The following MRTFA variants were observed in gnomAD, a reference collection of about 807,000 sequenced individuals.
MRTFA encodes myocardin related transcription factor A.
In MRTFA, 20 loss-of-function variants were observed where a neutral mutation model predicts 83.5. The ratio of observed to expected loss-of-function variants is 0.24; its 90% confidence interval spans 0.17 to 0.35. The LOEUF is 0.35. Among genes scored for constraint, MRTFA ranks in the 10% least tolerant of loss-of-function variants. The probability of loss-of-function intolerance (pLI) is 1.00; values close to 1 mark genes in which losing one functional copy is unlikely to be tolerated. For missense variants in MRTFA, 1,200 were observed against 1,224.7 expected (o/e 0.98, Z 0.30); for synonymous variants, 659 against 541.2 (o/e 1.22, Z -3.02).
intron 3 of MRTFA, among the ~76,000 whole-genome samples, chr22:40,523,916 A>G (rs1168704723): frequency 6.6e-6 from 1 of 152,220 alleles, no homozygotes; most frequent in Non-Finnish European, 1.5e-5. Flanking sequence ...ATATACTAAG[A>G]AAACAGTTCA....
intron 4 of MRTFA, 104 bp from the exon 5 acceptor site, chr22:40,435,658 C>G (rs1336871080): frequency 7.6e-7 from 1 of 1,315,508 alleles, no homozygotes. Flanking sequence ...ACTGGCTGGG[C>G]GTGGTGGCTC....
chr22:40,626,653 G>A (rs938323649), intron 1 of MRTFA, among the ~76,000 whole-genome samples: 4 of 151,994 alleles, frequency 2.6e-5, no homozygotes, highest in Admixed American at 2.0e-4. Flanking sequence ...ACATATATAT[G>A]GCAAACTCAA....
At chr22:40,518,276 C>G (rs192879382) in intron 3 of MRTFA, among the ~76,000 whole-genome samples, 1 of 152,138 alleles carries the variant, frequency 6.6e-6, no homozygotes, top group African/African-American at 2.4e-5. Context: ...CACTATCGAT[C>G]GGCATCTGAA....
At chr22:40,474,322 C>T (rs754023285) in intron 3 of MRTFA, among the ~76,000 whole-genome samples, 31 of 152,300 alleles carry the variant, frequency 2.0e-4, no homozygotes, top group Middle Eastern at 3.4e-3. Context: ...GCCCTGAACT[C>T]TCCAGTATTT....
rs561597819 is a variant in MRTFA, at chr22:40,416,082, G to A, written c.2578+904C>T. Among the ~76,000 whole-genome samples the A allele has an allele frequency of 1.8e-4, 28 of 152,238 alleles. No individual in the cohort carries two copies. The highest frequency in any genetic ancestry group is 4.1e-4 in the African/African-American group (17 of 41,530). ...CCCTGTGAACCCTCCATTCGGTCTC[G>A]TGACACACCCCATCAGGGACCGCGC... is the stretch of plus-strand genomic sequence containing the variant. On this transcript the variant is annotated intron_variant, in intron 14 of 14. Transcript: ENST00000355630. The surrounding 1 kb of genome is among the most constrained non-coding windows in gnomAD (Gnocchi z 4.2).
chr22:40,507,417 A>G (rs6001946), intron 3 of MRTFA, among the ~76,000 whole-genome samples: 18,287 of 151,918 alleles, frequency 0.12, 1,261 homozygotes, highest in East Asian at 0.24. Context: ...GGGCTCACTT[A>G]AGCCCAGGAG....
chr22:40,562,104 C>T (rs985679835), intron 2 of MRTFA, among the ~76,000 whole-genome samples: 1 of 151,938 alleles, frequency 6.6e-6, no homozygotes, highest in Non-Finnish European at 1.5e-5. Flanking sequence ...GTAGTCCCAG[C>T]TACTCAGGAG....
chr22:40,454,292 T>C (rs908215246), intron 4 of MRTFA, among the ~76,000 whole-genome samples: 1 of 152,156 alleles, frequency 6.6e-6, no homozygotes, highest in African/African-American at 2.4e-5. Flanking sequence ...ATTTCTGTAT[T>C]TTTTGTAGAG....
chr22:40,471,657 C>T (rs905890025), intron 3 of MRTFA, among the ~76,000 whole-genome samples: 3 of 151,964 alleles, frequency 2.0e-5, no homozygotes, highest in Non-Finnish European at 4.4e-5. Context: ...CCCAGGTAGG[C>T]GGATTGCTTG....
chr22:40,455,777 A>G (rs2053574897), intron 4 of MRTFA, among the ~76,000 whole-genome samples: 1 of 151,470 alleles, frequency 6.6e-6, no homozygotes, highest in Non-Finnish European at 1.5e-5. Flanking sequence ...CACAACAACA[A>G]CAACAAAAAG....
At chr22:40,564,702 G>A (rs2055677174) in intron 2 of MRTFA, among the ~76,000 whole-genome samples, 1 of 151,948 alleles carries the variant, frequency 6.6e-6, no homozygotes, top group Non-Finnish European at 1.5e-5. Context: ...GCCCAGGCTG[G>A]AGTGCAGTGG....
intron 3 of MRTFA, among the ~76,000 whole-genome samples, chr22:40,540,455 AG>A (rs1168714366): frequency 6.6e-6 from 1 of 152,040 alleles, no homozygotes; most frequent in Non-Finnish European, 1.5e-5. Context: ...AGGCTCCCCC[AG>A]CACCTGTGCC....
intron 3 of MRTFA, among the ~76,000 whole-genome samples, chr22:40,476,954 T>G (rs2054007586): frequency 6.6e-6 from 1 of 152,126 alleles, no homozygotes; most frequent in Non-Finnish European, 1.5e-5. Flanking sequence ...TCAACTCAAC[T>G]GATTTCTGGG....
intron 1 of MRTFA, among the ~76,000 whole-genome samples, chr22:40,613,706 T>C (rs1448567611): frequency 1.3e-5 from 2 of 151,824 alleles, no homozygotes; most frequent in African/African-American, 2.4e-5. Flanking sequence ...AAAAAAAATT[T>C]TTCCAGCCTG....
At chr22:40,438,904 G>A (rs2053221398) in intron 4 of MRTFA, among the ~76,000 whole-genome samples, 1 of 152,146 alleles carries the variant, frequency 6.6e-6, no homozygotes, top group African/African-American at 2.4e-5. Context: ...GTCCTATTAA[G>A]GACATTTTCA....
chr22:40,599,832 G>A (rs2056236692), intron 1 of MRTFA, among the ~76,000 whole-genome samples: 1 of 151,762 alleles, frequency 6.6e-6, no homozygotes, highest in Admixed American at 6.6e-5. Flanking sequence ...CCGGGAGGTT[G>A]AGGCCGCAGC....
intron 4 of MRTFA, among the ~76,000 whole-genome samples, chr22:40,449,820 A>C (rs1472580554): frequency 6.6e-6 from 1 of 152,198 alleles, no homozygotes; most frequent in African/African-American, 2.4e-5. Context: ...GGAGTCAGAG[A>C]ATCTGGGCTT....
In MRTFA at chr22:40,520,008, G is replaced by A. The variant is rs553241426; in HGVS notation, c.241+32098C>T. On this transcript the variant is annotated intron_variant, in intron 3 of 14. Coordinates refer to ENST00000355630, the MANE Select transcript of MRTFA (RefSeq NM_020831.6). ...CTTCACCTAGTGTACAATTCAAAGC[G>A]TTCTGACAATTGCATATGCCTGTAT... 1.1e-4 allele frequency among the ~76,000 whole-genome samples: 16 copies of A among 152,202 alleles called. No homozygotes were observed. In the South Asian group the frequency reaches 1.5e-3, roughly 14 times the overall value.
intron 2 of MRTFA, among the ~76,000 whole-genome samples, chr22:40,589,643 G>A (rs539464075): frequency 7.9e-5 from 12 of 152,280 alleles, no homozygotes; most frequent in Non-Finnish European, 1.5e-4. Context: ...ACTGTGAAAA[G>A]GTTGTCAACA....
Sources: allele counts gnomAD v4.1 joint callset (sites outside exome capture counted in the v4.1 genomes callset), GRCh38; gene constraint gnomAD v4.1.1; non-coding constraint Gnocchi (gnomAD v3.1); transcripts MANE v1.5; gene names NCBI Gene and HGNC (gene_info 2026-07-23, HGNC 2026-07-21).